The following AMZ1 variants were observed in gnomAD, a reference collection of about 807,000 sequenced individuals.
AMZ1 encodes the protein archaelysin family metallopeptidase 1, also known as archaemetzincin-1.
In AMZ1, 39 loss-of-function variants were observed where a neutral mutation model predicts 29.9. That is an observed-to-expected ratio of 1.30 (90% CI 1.01 to 1.70). AMZ1 has a LOEUF of 1.70. Ranked by LOEUF, AMZ1 falls within the 40% of genes most tolerant of loss-of-function variation. The pLI is 0.00. For missense variants in AMZ1, 1,041 were observed against 680.6 expected (o/e 1.53, Z -5.89); for synonymous variants, 458 against 304.0 (o/e 1.51, Z -5.27).
chr7:2,700,524 G>A lies in AMZ1; in HGVS notation c.73G>A (p.Asp25Asn), dbSNP rs1311550319. ...RALKDALVST[D>N]AALQQLYVSA... ...CTTGAAGGACGCTCTGGTCTCCACT[G>A]ACGCAGCCCTGCAGCAGCTGTATGT... The change falls in exon 2 of 7, where the codon GAC (aspartate) becomes AAC (asparagine). Residue 25 changes from aspartate to asparagine, a missense_variant. Physicochemically the swap from Asp to Asn is conservative, Grantham distance 23. Transcript: ENST00000683327. 1.2e-6 allele frequency: 2 copies of A among 1,608,146 alleles called. No homozygotes were observed. The highest frequency in any genetic ancestry group is 4.5e-5 in the East Asian group (2 of 44,868).
intron 4 of AMZ1, among the ~76,000 whole-genome samples, chr7:2,734,359 G>A (rs1771561828): frequency 6.6e-6 from 1 of 152,194 alleles, no homozygotes; most frequent in African/African-American, 2.4e-5. Flanking sequence ...TTTGAACCCT[G>A]CTCTAAAGAC....
At chr7:2,711,248 C>G (rs930702138) in intron 6 of AMZ1, among the ~76,000 whole-genome samples, 1 of 152,184 alleles carries the variant, frequency 6.6e-6, no homozygotes. Flanking sequence ...TGTGAGGTCA[C>G]CTGCTGTCCC....
At chr7:2,750,108 C>A (rs898019529) in intron 4 of AMZ1, among the ~76,000 whole-genome samples, 5 of 152,182 alleles carry the variant, frequency 3.3e-5, no homozygotes, top group Admixed American at 1.3e-4. Context: ...ATACCACACA[C>A]TTCTGAATAA....
chr7:2,709,511 C>G (rs149430933), intron 5 of AMZ1, 129 bp from the exon 6 acceptor site: 20 of 1,379,292 alleles, frequency 1.5e-5, no homozygotes, highest in Middle Eastern at 2.6e-4. Context: ...AGGGGGAGGG[C>G]GCCTGGACCA....
chr7:2,702,986 C>T (rs928391575), intron 3 of AMZ1, 97 bp downstream of exon 3: 5 of 1,424,602 alleles, frequency 3.5e-6, no homozygotes, highest in Non-Finnish European at 4.6e-6. Context: ...GGAACCTTTT[C>T]TTCCTTTTTG....
chr7:2,710,294 C>T (rs79912395), intron 6 of AMZ1, among the ~76,000 whole-genome samples: 2,867 of 152,302 alleles, frequency 0.019, 86 homozygotes, highest in African/African-American at 0.065. Flanking sequence ...GGTGGGGTTG[C>T]CGAGCAAAGG....
At chr7:2,722,278 T>C (rs1353859555), downstream of AMZ1, among the ~76,000 whole-genome samples, 1 of 151,938 alleles carries the variant, frequency 6.6e-6, no homozygotes, top group Non-Finnish European at 1.5e-5. Flanking sequence ...TTTCGAATTT[T>C]TTTTTTTTTT....
chr7:2,688,983 G>C (rs1345579014), intron 1 of AMZ1, among the ~76,000 whole-genome samples: 1 of 152,238 alleles, frequency 6.6e-6, no homozygotes, highest in African/African-American at 2.4e-5. Context: ...GAGGAGTTTG[G>C]GGTTCGCAGG....
intron 1 of AMZ1, among the ~76,000 whole-genome samples, chr7:2,681,379 C>A (rs929836114): frequency 6.6e-6 from 1 of 151,998 alleles, no homozygotes; most frequent in Admixed American, 6.6e-5. Context: ...TCAGGTGATC[C>A]TCCCATCTCA....
chr7:2,688,851 C>T (rs986776394), intron 1 of AMZ1, among the ~76,000 whole-genome samples: 6 of 152,196 alleles, frequency 3.9e-5, no homozygotes, highest in Admixed American at 1.3e-4. Context: ...GGATGTAAGA[C>T]AGGTCTCAAA....
rs1788963893 is a variant in AMZ1, at chr7:2,713,922, T to G, written c.*1044T>G. On this transcript the variant is annotated 3_prime_UTR_variant, in exon 7 of 7. Coordinates refer to ENST00000683327, the MANE Select transcript of AMZ1 (RefSeq NM_001384743.1). ...CAGATGATCTGTCTTTCCTTTTTTT[T>G]TCGGTCTAGTTCTGTCAGTTGCTGA... 1.3e-5 allele frequency: 2 copies of G among 152,208 alleles called. No homozygotes were observed. Among genetic ancestry groups the G allele is most frequent in the Admixed American group, 1.3e-4 (2 of 15,282 alleles). The allele number at this position is 152,208 out of a possible 1,614,324, so 9.4% of individuals were successfully genotyped here.
chr7:2,746,310 T>G (rs1269761146), intron 4 of AMZ1, among the ~76,000 whole-genome samples: 2 of 152,000 alleles, frequency 1.3e-5, no homozygotes, highest in African/African-American at 2.4e-5. Flanking sequence ...GAACAGAAAT[T>G]ATAACAAACT....
Position 2,714,750 on chromosome 7 carries a change from T to A in AMZ1, c.*1872T>A, listed in dbSNP as rs1789020627. 1 of 152,216 alleles carries A rather than the reference T, an allele frequency of 6.6e-6. No homozygotes were observed. The highest frequency in any genetic ancestry group is 1.5e-5 in the Non-Finnish European group (1 of 68,042). The allele number at this position is 152,216 out of a possible 1,614,324, so 9.4% of individuals were successfully genotyped here. On this transcript the variant is annotated 3_prime_UTR_variant, in exon 7 of 7. Coordinates refer to ENST00000683327, the MANE Select transcript of AMZ1 (RefSeq NM_001384743.1). ...ACACGGCTGCCAAGTGGAATTTGGCTGGGAATCTCAGGCCTTGGTTCCTGC... is the reference window on the plus strand; with the variant it reads ...ACACGGCTGCCAAGTGGAATTTGGCAGGGAATCTCAGGCCTTGGTTCCTGC...
rs548782697 is a variant in AMZ1, at chr7:2,708,795, C to G, written c.601+79C>G. ...GGCCTCCGTGGCTGCAGGGCACCCT[C>G]TTTGCTTTTGCTTCAAGCACCCTCC... On this transcript the variant is annotated intron_variant, in intron 4 of 6. Transcript: ENST00000683327. 385 of 1,598,218 alleles carry G rather than the reference C, an allele frequency of 2.4e-4. 5 individuals carry two copies. In the South Asian group the frequency reaches 4.0e-3, roughly 17 times the overall value.
intron 3 of AMZ1, among the ~76,000 whole-genome samples, chr7:2,707,685 G>C (rs893105849): frequency 9.2e-5 from 14 of 152,054 alleles, no homozygotes; most frequent in Non-Finnish European, 1.8e-4. Context: ...ACTCCAGGGA[G>C]AATCCATTTC....
At chr7:2,753,772 T>C (rs1462798746) in intron 4 of AMZ1, among the ~76,000 whole-genome samples, 1 of 152,182 alleles carries the variant, frequency 6.6e-6, no homozygotes, top group Non-Finnish European at 1.5e-5. Flanking sequence ...TTTATTTTAA[T>C]GCTGAATTTA....
At position 2,718,376 on chromosome 7, in the gene AMZ1, T is replaced by C. The variant is rs556555277; in HGVS notation, c.*5498T>C. 6.6e-6 allele frequency among the ~76,000 whole-genome samples: 1 copy of C among 152,256 alleles called. No homozygotes were observed. The highest frequency in any genetic ancestry group is 2.4e-5 in the African/African-American group (1 of 41,548). On this transcript the variant is annotated 3_prime_UTR_variant, in exon 7 of 7. Coordinates refer to ENST00000683327, the MANE Select transcript of AMZ1 (RefSeq NM_001384743.1). ...CTTCTCAGCAAAGGCCAACACGTCT[T>C]TCTCGAGTCCAAGACCATCTCCCGT...
At chr7:2,730,978 G>T (rs1397401274) in intron 4 of AMZ1, 9 of 531,782 alleles carry the variant, frequency 1.7e-5, no homozygotes, top group Non-Finnish European at 3.0e-5. Flanking sequence ...TCGCCCCCAG[G>T]ATTCAGTAGC....
chr7:2,715,385 C>T lies in AMZ1; in HGVS notation c.*2507C>T, dbSNP rs1789062039. On this transcript the variant is annotated 3_prime_UTR_variant, in exon 7 of 7. Coordinates refer to ENST00000683327, the MANE Select transcript of AMZ1 (RefSeq NM_001384743.1). ...GTTTTCCGATTTCCTTCATCTTCTGCAAAAGGTTAACCGCTGGAGTGATGC... is the reference window on the plus strand; with the variant it reads ...GTTTTCCGATTTCCTTCATCTTCTGTAAAAGGTTAACCGCTGGAGTGATGC... The T allele has an allele frequency of 6.6e-6, 1 of 152,296 alleles. No individual in the cohort carries two copies. Among genetic ancestry groups the T allele is most frequent in the South Asian group, 2.1e-4 (1 of 4,832 alleles). 9.4% of individuals were successfully genotyped at this position (152,296 alleles called of 1,614,324 possible).
Sources: gnomAD v4.1 joint callset for allele counts (sites outside exome capture counted in the v4.1 genomes callset) on GRCh38, gnomAD v4.1.1 for gene constraint, MANE v1.5 for transcripts, NCBI Gene and HGNC (gene_info 2026-07-23, HGNC 2026-07-21) for gene names.